The following PRELID2 variants were observed in gnomAD, a reference collection of about 807,000 sequenced individuals.
PRELID2 encodes PRELI domain-containing protein 2.
In PRELID2, 25 loss-of-function variants were observed where a neutral mutation model predicts 28.4. The observed-to-expected ratio is 0.88, with a 90% CI of 0.64 to 1.23. The LOEUF (loss-of-function observed/expected upper bound fraction) is 1.23. Among genes scored for constraint, PRELID2 ranks in the 50% most tolerant of loss-of-function variants. The pLI is 0.00. For synonymous variants in PRELID2, 76 were observed against 71.6 expected, an observed-to-expected ratio of 1.06 and a Z score of -0.31; for missense variants, 201 against 214.4, an observed-to-expected ratio of 0.94 and a Z score of 0.39.
chr5:145,734,849 C>T (rs982762281), intron 1 of PRELID2, among the ~76,000 whole-genome samples: 7 of 152,180 alleles, frequency 4.6e-5, no homozygotes, highest in East Asian at 3.8e-4. Flanking sequence ...CTAAGGAACA[C>T]GTGAACTATG....
At chr5:145,718,770 ATTGT>A (rs1755908312) in intron 1 of PRELID2, among the ~76,000 whole-genome samples, 1 of 151,960 alleles carries the variant, frequency 6.6e-6, no homozygotes, top group South Asian at 2.1e-4. Context: ...AAAAGATTTG[ATTGT>A]TTAAGAGAAG....
At chr5:145,642,616 C>T (rs914919753) in intron 1 of PRELID2, among the ~76,000 whole-genome samples, 3 of 152,148 alleles carry the variant, frequency 2.0e-5, no homozygotes, top group African/African-American at 7.2e-5. Flanking sequence ...ATGGTATTGC[C>T]TAGGTTTTCT....
At chr5:145,562,473 T>C (rs1752932642) in intron 1 of PRELID2, among the ~76,000 whole-genome samples, 2 of 152,236 alleles carry the variant, frequency 1.3e-5, no homozygotes, top group Non-Finnish European at 2.9e-5. Context: ...ATTTTCATGA[T>C]TCATAAAATG....
At chr5:145,707,098 G>A (rs549913298) in intron 1 of PRELID2, among the ~76,000 whole-genome samples, 1 of 152,278 alleles carries the variant, frequency 6.6e-6, no homozygotes, top group East Asian at 1.9e-4. Context: ...CTGTGGGTGA[G>A]GCACTGTGCC....
chr5:145,809,539 G>A lies in PRELID2; in HGVS notation c.368+8355C>T, dbSNP rs541014602. Among the ~76,000 whole-genome samples the A allele has an allele frequency of 2.3e-4, 34 of 151,064 alleles. No individual in the cohort carries two copies. In the South Asian group the frequency reaches 3.2e-3, roughly 14 times the overall value. ...GAGCTTTTGCTTTTCCACCTTTCCC[G>A]GCCTCCCGTAGTGCTGGGATTACAG... On this transcript the variant is annotated intron_variant, in intron 4 of 6. Transcript: ENST00000683046.
chr5:145,590,808 C>G (rs1156322759), intron 1 of PRELID2, among the ~76,000 whole-genome samples: 4 of 151,966 alleles, frequency 2.6e-5, no homozygotes, highest in Admixed American at 2.6e-4. Flanking sequence ...ACTCTGGCCC[C>G]CAGAGTTTGC....
chr5:145,615,727 T>A (rs1753689585), intron 1 of PRELID2, among the ~76,000 whole-genome samples: 1 of 152,224 alleles, frequency 6.6e-6, no homozygotes, highest in South Asian at 2.1e-4. Flanking sequence ...ACATTCAATG[T>A]TAGTATTGAG....
chr5:145,678,901 T>C (rs1754877152), intron 1 of PRELID2, among the ~76,000 whole-genome samples: 1 of 152,210 alleles, frequency 6.6e-6, no homozygotes, highest in Admixed American at 6.5e-5. Context: ...GGGTATGAAT[T>C]TTCAGGCATA....
At chr5:145,523,164 T>C (rs114192269) in intron 1 of PRELID2, among the ~76,000 whole-genome samples, 3,303 of 152,296 alleles carry the variant, frequency 0.022, 118 homozygotes, top group African/African-American at 0.076. Flanking sequence ...ATACGATTTA[T>C]ATGACTCAGA....
At chr5:145,645,068 CTTG>C (rs1467631452) in intron 1 of PRELID2, among the ~76,000 whole-genome samples, 3 of 152,176 alleles carry the variant, frequency 2.0e-5, no homozygotes, top group Non-Finnish European at 4.4e-5. Flanking sequence ...CCTGAATATC[CTTG>C]TTAATTTTCT....
chr5:145,786,780 A>C (rs1043551036), intron 5 of PRELID2, among the ~76,000 whole-genome samples: 2 of 152,218 alleles, frequency 1.3e-5, no homozygotes, highest in Admixed American at 1.3e-4. Flanking sequence ...CTTGAACTAC[A>C]TTTGTAGTAT....
At chr5:145,618,038 T>C (rs917857978) in intron 1 of PRELID2, among the ~76,000 whole-genome samples, 7 of 152,138 alleles carry the variant, frequency 4.6e-5, no homozygotes, top group Admixed American at 2.6e-4. Context: ...CGGCCGATTG[T>C]TTTTTCTTTA....
the PRELID2 span, among the ~76,000 whole-genome samples, chr5:145,441,746 A>T: frequency 6.6e-6 from 1 of 152,066 alleles, no homozygotes; most frequent in South Asian, 2.1e-4. Context: ...CCACCGCCAC[A>T]CATTGCCTCT....
chr5:145,457,582 T>C, the PRELID2 span, among the ~76,000 whole-genome samples: 1 of 152,182 alleles, frequency 6.6e-6, no homozygotes, highest in East Asian at 1.9e-4. Context: ...GTTTTTATCT[T>C]CATGAGATAA....
chr5:145,711,066 C>T (rs1196521180), intron 1 of PRELID2, among the ~76,000 whole-genome samples: 1 of 152,222 alleles, frequency 6.6e-6, no homozygotes, highest in African/African-American at 2.4e-5. Flanking sequence ...AGCTCAAACC[C>T]TTTTAATTTC....
At chr5:145,382,750 C>T in the PRELID2 span, among the ~76,000 whole-genome samples, 2 of 151,994 alleles carry the variant, frequency 1.3e-5, no homozygotes, top group African/African-American at 2.4e-5. Context: ...AGTGGCAACA[C>T]ATTCCCTTAG....
the PRELID2 span, among the ~76,000 whole-genome samples, chr5:145,380,270 G>A: frequency 6.6e-6 from 1 of 152,152 alleles, no homozygotes; most frequent in Admixed American, 6.5e-5. Context: ...ATAAGTCCCA[G>A]TACTTGGTAG....
At chr5:145,387,009 A>G in the PRELID2 span, among the ~76,000 whole-genome samples, 2 of 152,206 alleles carry the variant, frequency 1.3e-5, no homozygotes, top group African/African-American at 2.4e-5. Flanking sequence ...AAGATCAGTG[A>G]CATAGCTTTA....
At chr5:145,316,652 A>T in the PRELID2 span, among the ~76,000 whole-genome samples, 1 of 152,184 alleles carries the variant, frequency 6.6e-6, no homozygotes, top group Non-Finnish European at 1.5e-5. Flanking sequence ...TTCTATATTT[A>T]CTGAACTTAG....
Sources: allele counts gnomAD v4.1 joint callset (sites outside exome capture counted in the v4.1 genomes callset), GRCh38; gene constraint gnomAD v4.1.1; transcripts MANE v1.5; gene names NCBI Gene and HGNC (gene_info 2026-07-23, HGNC 2026-07-21).